Variants in UBR3 observed in about 807,000 individuals in gnomAD.
The protein encoded by UBR3 is E3 ubiquitin-protein ligase UBR3.
UBR3 carries 85 observed loss-of-function variants against 243.2 expected under a neutral mutation model. The ratio of observed to expected loss-of-function variants is 0.35; its 90% CI spans 0.29 to 0.42. The LOEUF (loss-of-function observed/expected upper bound fraction) is 0.42. Among genes scored for constraint, UBR3 ranks in the 10% least tolerant of loss-of-function variants. The pLI is 1.00. For missense variants in UBR3, 1,686 were observed against 2,300.8 expected (o/e 0.73, Z 5.47); for synonymous variants, 748 against 799.8 (o/e 0.94, Z 1.09).
chr2:170,078,308 C>G (rs377289789), intron 36 of UBR3: 369 of 288,254 alleles, frequency 1.3e-3, no homozygotes, highest in Non-Finnish European at 1.8e-3. Context: ...ACAGGCGCAG[C>G]CCCTGGGGTG....
chr2:169,956,738 T>A (rs1441677691), intron 23 of UBR3, among the ~76,000 whole-genome samples: 1 of 152,200 alleles, frequency 6.6e-6, no homozygotes, highest in Non-Finnish European at 1.5e-5. Context: ...TCCCCACTAA[T>A]TTCATGGGAG....
intron 5 of UBR3, among the ~76,000 whole-genome samples, chr2:169,884,042 A>G (rs569173819): frequency 6.6e-6 from 1 of 151,974 alleles, no homozygotes; most frequent in Non-Finnish European, 1.5e-5. Flanking sequence ...CATGTTGGAC[A>G]GGCTGGTCTT....
intron 35 of UBR3, among the ~76,000 whole-genome samples, chr2:170,068,107 A>G (rs145695726): frequency 5.4e-4 from 82 of 152,172 alleles, no homozygotes; most frequent in African/African-American, 1.8e-3. Context: ...TGTAAACACA[A>G]TATACTGAAA....
intron 24 of UBR3, among the ~76,000 whole-genome samples, chr2:169,972,093 G>A (rs549828473): frequency 1.5e-4 from 23 of 152,112 alleles, no homozygotes; most frequent in Admixed American, 4.6e-4. Context: ...TATCACCACC[G>A]ATCCCACAGA....
intron 1 of UBR3, among the ~76,000 whole-genome samples, chr2:169,830,550 G>C (rs1184155034): frequency 1.3e-5 from 2 of 152,142 alleles, no homozygotes; most frequent in South Asian, 4.1e-4. Context: ...AGCTAGGCAT[G>C]CTGGCTCCAG....
chr2:169,827,901 C>G lies in UBR3; in HGVS notation c.394C>G (p.Arg132Gly). ...LVWTANFVAYRCRTCGISPCM... is the reference protein window; with the variant it reads ...LVWTANFVAYGCRTCGISPCM... ...CTGGACAGCCAACTTCGTGGCCTAC[C>G]GCTGCCGGACGTGCGGCATCTCGCC... Residue 132 changes from arginine (R) to glycine (G), a missense_variant, in exon 1 of 39, where the codon CGC (arginine) becomes GGC (glycine). Coordinates refer to ENST00000272793, the MANE Select transcript of UBR3 (RefSeq NM_172070.4). 6.6e-7 allele frequency: 1 copy of G among 1,518,778 alleles called. No individual in the cohort carries two copies. The highest frequency in any genetic ancestry group is 8.8e-7 in the Non-Finnish European group (1 of 1,136,792). 94.1% of individuals were successfully genotyped at this position (1,518,778 alleles called of 1,614,324 possible).
At chr2:169,880,048 T>C (rs1435208421) in intron 5 of UBR3, among the ~76,000 whole-genome samples, 1 of 152,184 alleles carries the variant, frequency 6.6e-6, no homozygotes, top group African/African-American at 2.4e-5. Context: ...CTTATTTTGC[T>C]CTAAGAGCAT....
At chr2:170,080,882 T>C (rs546361377) in intron 38 of UBR3, among the ~76,000 whole-genome samples, 198 bp downstream of exon 38, 2 of 152,282 alleles carry the variant, frequency 1.3e-5, no homozygotes, top group South Asian at 2.1e-4. Context: ...CAAATTACCA[T>C]GTGAGGTTTT....
intron 26 of UBR3, among the ~76,000 whole-genome samples, chr2:169,999,969 A>G (rs896355026): frequency 6.6e-6 from 1 of 152,160 alleles, no homozygotes; most frequent in African/African-American, 2.4e-5. Flanking sequence ...TCTACTAAAA[A>G]TACAAAATTA....
intron 7 of UBR3, 52 bp downstream of exon 7, chr2:169,895,363 TTC>T: frequency 6.7e-7 from 1 of 1,493,734 alleles, no homozygotes; most frequent in Non-Finnish European, 8.9e-7. Context: ...TTCTTTGCCT[TTC>T]ATTATTAAAT....
chr2:169,928,013 A>C (rs980806482), intron 17 of UBR3, among the ~76,000 whole-genome samples: 1 of 152,196 alleles, frequency 6.6e-6, no homozygotes, highest in Non-Finnish European at 1.5e-5. Flanking sequence ...GGCCGAATTT[A>C]GTATTTGTAT....
intron 32 of UBR3, among the ~76,000 whole-genome samples, chr2:170,049,545 G>C (rs910440003): frequency 2.6e-5 from 4 of 151,748 alleles, no homozygotes; most frequent in African/African-American, 9.7e-5. Flanking sequence ...TGAGGATAAG[G>C]GGGGGATTAC....
chr2:169,954,759 G>A (rs1043523433), intron 23 of UBR3, among the ~76,000 whole-genome samples: 3 of 151,922 alleles, frequency 2.0e-5, no homozygotes, highest in Admixed American at 2.0e-4. Flanking sequence ...ATTTTTAGTA[G>A]AGACAGGGTT....
intron 30 of UBR3, among the ~76,000 whole-genome samples, chr2:170,026,895 G>A (rs1412532929): frequency 1.3e-5 from 2 of 151,834 alleles, no homozygotes; most frequent in East Asian, 1.9e-4. Context: ...GGTATAAGAC[G>A]TATTTTTGCT....
At chr2:169,849,142 C>G (rs896428476) in intron 1 of UBR3, among the ~76,000 whole-genome samples, 3 of 152,300 alleles carry the variant, frequency 2.0e-5, no homozygotes, top group African/African-American at 7.2e-5. Context: ...GAGGAGAGGT[C>G]TTTCATGAAG....
chr2:169,902,157 T>C (rs566344691), intron 8 of UBR3, among the ~76,000 whole-genome samples: 1 of 152,364 alleles, frequency 6.6e-6, no homozygotes, highest in South Asian at 2.1e-4. Flanking sequence ...CTTTGACTTC[T>C]TTTTATTCCT....
chr2:170,030,571 A>G (rs2090641748), intron 31 of UBR3, among the ~76,000 whole-genome samples: 1 of 152,146 alleles, frequency 6.6e-6, no homozygotes, highest in Non-Finnish European at 1.5e-5. Flanking sequence ...AATTATTTGT[A>G]TAACTAAAGT....
At chr2:169,841,847 T>C (rs951191354) in intron 1 of UBR3, among the ~76,000 whole-genome samples, 2 of 152,288 alleles carry the variant, frequency 1.3e-5, no homozygotes, top group East Asian at 3.9e-4. Context: ...CGGTCTGAGC[T>C]TCCCCGACGA....
At chr2:169,911,203 G>A (rs2085240395) in intron 10 of UBR3, among the ~76,000 whole-genome samples, 1 of 150,876 alleles carries the variant, frequency 6.6e-6, no homozygotes, top group Non-Finnish European at 1.5e-5. Flanking sequence ...TTGGATAAGA[G>A]GATGACATGT....
Sources: gnomAD v4.1 joint callset for allele counts (sites outside exome capture counted in the v4.1 genomes callset) on GRCh38, gnomAD v4.1.1 for gene constraint, MANE v1.5 for transcripts, NCBI Gene and HGNC (gene_info 2026-07-23, HGNC 2026-07-21) for gene names.